Variants in CLHC1 observed in about 807,000 individuals in gnomAD.
The protein encoded by CLHC1 is clathrin heavy chain linker domain containing 1.
Under a neutral mutation model 69.5 loss-of-function variants are expected in CLHC1, and 72 were observed. The observed-to-expected ratio is 1.04, with a 90% CI of 0.86 to 1.26. The LOEUF (loss-of-function observed/expected upper bound fraction) is 1.26. CLHC1 is among the 50% of genes most tolerant of loss of function. CLHC1 has a pLI of 0.00. For missense variants in CLHC1, 790 were observed against 679.3 expected (o/e 1.16, Z -1.81); for synonymous variants, 223 against 224.3 (o/e 0.99, Z 0.05).
At chr2:55,189,266 A>T (rs1371518547) in intron 9 of CLHC1, among the ~76,000 whole-genome samples, 1 of 152,176 alleles carries the variant, frequency 6.6e-6, no homozygotes, top group Non-Finnish European at 1.5e-5. Context: ...ACTAAGGAAC[A>T]AAGAACTGAT....
chr2:55,223,608 C>T (rs1674387166), intron 2 of CLHC1, among the ~76,000 whole-genome samples: 2 of 151,402 alleles, frequency 1.3e-5, no homozygotes, highest in South Asian at 4.2e-4. Flanking sequence ...GGACGGTTCC[C>T]CCGACCTCAG....
At chr2:55,210,241 G>C (rs112357460) in intron 5 of CLHC1, among the ~76,000 whole-genome samples, 2,756 of 151,758 alleles carry the variant, frequency 0.018, 93 homozygotes, top group African/African-American at 0.064. Flanking sequence ...CTGTCGCCCA[G>C]GCTGGAGTGC....
chr2:55,201,943 C>T (rs966667059), intron 9 of CLHC1, among the ~76,000 whole-genome samples: 1 of 152,038 alleles, frequency 6.6e-6, no homozygotes, highest in African/African-American at 2.4e-5. Context: ...GCTGAAAAAG[C>T]ATTTAATAAA....
In CLHC1 at chr2:55,212,681, G is replaced by A. The variant is rs1426106213; in HGVS notation, c.491C>T (p.Pro164Leu). 1 of 1,597,432 alleles carries A rather than the reference G, an allele frequency of 6.3e-7. No homozygotes were observed. Among genetic ancestry groups the A allele is most frequent in the Non-Finnish European group, 8.6e-7 (1 of 1,165,704 alleles). Residue 164 changes from proline (P) to leucine (L), a missense_variant, in exon 5 of 13, where the codon CCT becomes CTT. Physicochemically the swap from Pro to Leu is moderately conservative, Grantham distance 98. Transcript: ENST00000401408. ...TAAACAAAATACAATACCTGGAATA[G>A]GTTTTGAAGGATCTTTGGAGAAAGT... Reference protein sequence around the residue: ...YCTFSKDPSKPIPGMTLQESM... With the variant: ...YCTFSKDPSKLIPGMTLQESM...
At chr2:55,183,850 G>A (rs368743411) in intron 9 of CLHC1, among the ~76,000 whole-genome samples, 16 of 152,142 alleles carry the variant, frequency 1.1e-4, no homozygotes, top group Middle Eastern at 3.4e-3. Flanking sequence ...GTGCGATCTC[G>A]GCTCACTGCA....
chr2:55,189,109 G>T (rs1264574956), intron 9 of CLHC1, among the ~76,000 whole-genome samples: 2 of 152,144 alleles, frequency 1.3e-5, no homozygotes, highest in Non-Finnish European at 2.9e-5. Flanking sequence ...ATTCAAGGTA[G>T]ACTCTAGCAA....
At chr2:55,195,978 C>T (rs887433113) in intron 9 of CLHC1, among the ~76,000 whole-genome samples, 3 of 152,192 alleles carry the variant, frequency 2.0e-5, no homozygotes, top group Admixed American at 6.5e-5. Flanking sequence ...CTCACCACTC[C>T]CCCATCCTTT....
Position 55,212,666 on chromosome 2 carries a change from A to T in CLHC1, c.499+7T>A, listed in dbSNP as rs1673121859. ...TTCTCTCAAATATTTTAAACAAAATACAATACCTGGAATAGGTTTTGAAGG... is the reference window on the plus strand; with the variant it reads ...TTCTCTCAAATATTTTAAACAAAATTCAATACCTGGAATAGGTTTTGAAGG... On this transcript the variant is annotated splice_region_variant and intron_variant, in intron 5 of 12. Coordinates refer to ENST00000401408, the MANE Select transcript of CLHC1 (RefSeq NM_152385.4). 2 of 1,585,484 alleles carry T rather than the reference A, an allele frequency of 1.3e-6. No homozygotes were observed. Among genetic ancestry groups the T allele is most frequent in the East Asian group, 2.2e-5 (1 of 44,644 alleles).
Position 55,219,951 on chromosome 2 carries a change from G to T in CLHC1, c.178-1953C>A, listed in dbSNP as rs1033937520. Among the ~76,000 whole-genome samples the T allele has an allele frequency of 4.6e-5, 7 of 152,098 alleles. No individual in the cohort carries two copies. The South Asian group carries it at 1.4e-3, about 31-fold the overall frequency. On this transcript the variant is annotated intron_variant, in intron 3 of 12. Coordinates refer to ENST00000401408, the MANE Select transcript of CLHC1 (RefSeq NM_152385.4). ...GAGTGTTGCTATGTTGCCCAGGATG[G>T]TCTCAAACTCCTGGCCTCAAGCGAT... is the stretch of plus-strand genomic sequence containing the variant.
intron 9 of CLHC1, among the ~76,000 whole-genome samples, chr2:55,194,397 T>C (rs1217155165): frequency 6.6e-6 from 1 of 152,140 alleles, no homozygotes; most frequent in African/African-American, 2.4e-5. Context: ...ACAAGAGAAT[T>C]TCTTCAACCT....
intron 9 of CLHC1, among the ~76,000 whole-genome samples, chr2:55,188,938 C>T (rs1286370130): frequency 6.6e-6 from 1 of 152,030 alleles, no homozygotes; most frequent in African/African-American, 2.4e-5. Flanking sequence ...ATCCAGCTGC[C>T]TATCTCAGTA....
intron 7 of CLHC1, 71 bp downstream of exon 7, chr2:55,209,333 C>T: frequency 1.1e-6 from 1 of 900,164 alleles, no homozygotes; most frequent in Non-Finnish European, 1.8e-6. Flanking sequence ...CTAAGAAAAC[C>T]CCATTCTAAC....
chr2:55,182,368 C>T (rs1388751825), intron 9 of CLHC1, among the ~76,000 whole-genome samples: 1 of 152,154 alleles, frequency 6.6e-6, no homozygotes, highest in Middle Eastern at 3.4e-3. Flanking sequence ...TAGATTCAGC[C>T]AGTGACCAAA....
intron 9 of CLHC1, 87 bp downstream of exon 9, chr2:55,206,183 G>A (rs960492623): frequency 7.4e-5 from 55 of 744,404 alleles, no homozygotes; most frequent in South Asian, 3.3e-4. Context: ...TAGATCTTTA[G>A]TCTCCCAGTT....
In CLHC1 at chr2:55,209,634, A is replaced by T. The variant is rs1297841960; in HGVS notation, c.697T>A (p.Phe233Ile). Residue 233 changes from phenylalanine to isoleucine, a missense_variant, in exon 6 of 13, where the codon TTT (phenylalanine) becomes ATT (isoleucine). By Grantham distance (21) the Phe-to-Ile change is conservative. Coordinates refer to ENST00000401408, the MANE Select transcript of CLHC1 (RefSeq NM_152385.4). ...VAENLNKKLQ[F>I]CHQRLQIISQ... Reference sequence around the variant, plus strand: ...ACATATAATCAACTTCCATACCAAAACTGCAATTTTTTGTTCAGATTTTCA... The same window carrying T: ...ACATATAATCAACTTCCATACCAAATCTGCAATTTTTTGTTCAGATTTTCA... The T allele has an allele frequency of 1.9e-6, 3 of 1,613,746 alleles. No homozygotes were observed. Among genetic ancestry groups the T allele is most frequent in the South Asian group, 1.1e-5 (1 of 91,028 alleles).
At chr2:55,231,401 C>G (rs1468683414) in intron 1 of CLHC1, among the ~76,000 whole-genome samples, 1 of 152,066 alleles carries the variant, frequency 6.6e-6, no homozygotes, top group African/African-American at 2.4e-5. Context: ...GTAAGGAAGG[C>G]AGAGGCTGAA....
chr2:55,191,941 T>C (rs1401274563), intron 9 of CLHC1, among the ~76,000 whole-genome samples: 1 of 152,048 alleles, frequency 6.6e-6, no homozygotes, highest in Non-Finnish European at 1.5e-5. Context: ...GTTTGGGTTG[T>C]AATGCACTAA....
chr2:55,230,159 G>A (rs779282282), intron 1 of CLHC1, among the ~76,000 whole-genome samples: 2 of 152,208 alleles, frequency 1.3e-5, no homozygotes, highest in African/African-American at 4.8e-5. Context: ...GTGCTGTTAC[G>A]AAGCTACTGC....
chr2:55,222,918 CAAA>C (rs59113625), intron 2 of CLHC1, among the ~76,000 whole-genome samples: 19 of 68,548 alleles, frequency 2.8e-4, no homozygotes, highest in African/African-American at 9.6e-4. Context: ...GAAACTGTCT[CAAA>C]AAAAAAAAAA....
Sources: allele counts gnomAD v4.1 joint callset (sites outside exome capture counted in the v4.1 genomes callset), GRCh38; gene constraint gnomAD v4.1.1; transcripts MANE v1.5; gene names NCBI Gene and HGNC (gene_info 2026-07-23, HGNC 2026-07-21).